FBXL13: variants seen among roughly 807,000 people sequenced by gnomAD.
The protein encoded by FBXL13 is F-box and leucine-rich repeat protein 13.
FBXL13 carries 67 observed loss-of-function variants against 83.6 expected under a neutral mutation model. That is an observed-to-expected ratio of 0.80 (90% CI 0.66 to 0.98). FBXL13 has a LOEUF of 0.98. Among genes scored for constraint, FBXL13 ranks in the 50% least tolerant of loss-of-function variants. FBXL13 has a pLI of 0.00. For synonymous variants in FBXL13, 272 were observed against 299.5 expected (o/e 0.91, Z 0.95); for missense variants, 822 against 866.5 (o/e 0.95, Z 0.64).
intron 11 of FBXL13, among the ~76,000 whole-genome samples, chr7:102,912,722 G>A (rs539644225): frequency 7.2e-6 from 1 of 139,064 alleles, no homozygotes; most frequent in East Asian, 2.1e-4. Context: ...GACTTTTCAG[G>A]AATCCCATGC....
At chr7:102,957,029 C>A (rs867348781) in intron 8 of FBXL13, among the ~76,000 whole-genome samples, 3 of 152,100 alleles carry the variant, frequency 2.0e-5, no homozygotes, top group East Asian at 3.9e-4. Context: ...AATTGGAAAA[C>A]ACTACTTTAA....
intron 1 of FBXL13, among the ~76,000 whole-genome samples, chr7:103,060,064 A>ATATATATATATAT (rs71110809): frequency 2.6e-4 from 21 of 81,912 alleles, no homozygotes; most frequent in East Asian, 4.6e-4. Flanking sequence ...ATATATATAT[A>ATATATATATATAT]CTTTTTTTTT....
rs181708017 is a variant in FBXL13 at position 102,934,489 on chromosome 7, T to C, written c.725-2556A>G. 51 of 1,614,012 alleles carry C rather than the reference T, an allele frequency of 3.2e-5. No individual in the cohort carries two copies. In the East Asian group the frequency reaches 1.1e-3, roughly 35 times the overall value. ...GGAATTTGGGGAACTACGCCAAGTG[T>C]GAAAGTCCACAAGAACAAAAAAATA... On this transcript the variant is annotated intron_variant, in intron 8 of 19. Coordinates refer to ENST00000313221, the Ensembl canonical transcript of FBXL13.
intron 1 of FBXL13, among the ~76,000 whole-genome samples, chr7:103,065,568 T>C (rs1798316413): frequency 6.6e-6 from 1 of 152,214 alleles, no homozygotes; most frequent in African/African-American, 2.4e-5. Flanking sequence ...AAAGAGATTC[T>C]AATAAAGAAT....
chr7:102,868,063 A>C (rs1808009234), intron 16 of FBXL13, among the ~76,000 whole-genome samples: 1 of 152,118 alleles, frequency 6.6e-6, no homozygotes, highest in African/African-American at 2.4e-5. Context: ...TATGGGATAC[A>C]GTGTGATGTT....
chr7:103,034,009 CAG>C (rs1355564879), intron 2 of FBXL13, among the ~76,000 whole-genome samples: 1,668 of 137,804 alleles, frequency 0.012, 29 homozygotes, highest in African/African-American at 0.039. Context: ...TAGCTAGATA[CAG>C]AGTGTCGATT....
rs751744146 is a variant in FBXL13, at chr7:102,834,086, AAAAGAAAGAAAG to A, written c.1720-1124_1720-1113del. Among the ~76,000 whole-genome samples, 593 of 93,614 alleles carry A rather than the reference AAAAGAAAGAAAG, an allele frequency of 6.3e-3. 6 individuals carry two copies. Among genetic ancestry groups the A allele is most frequent in the South Asian group, 0.011 (29 of 2,576 alleles). The allele number at this position is 93,614 out of a possible 152,430, so 61.4% of individuals were successfully genotyped here. A position where few individuals can be genotyped will look rare whatever the true frequency, so the allele number is the denominator to read the frequency against. Reference sequence around the variant, plus strand: ...GAAGGAAGGAAGGAAGGAAGGAAAGAAAAGAAAGAAAGAAAGAAAGAAAGAAAGAAAGAAAGA... The same window carrying A: ...GAAGGAAGGAAGGAAGGAAGGAAAGAAAAGAAAGAAAGAAAGAAAGAAAGA... On this transcript the variant is annotated intron_variant, in intron 17 of 19. Coordinates refer to ENST00000313221, the Ensembl canonical transcript of FBXL13.
Position 102,872,251 on chromosome 7 carries a change from T to C in FBXL13, c.1635+5216A>G, listed in dbSNP as rs975048528. Among the ~76,000 whole-genome samples, 9 of 152,232 alleles carry C rather than the reference T, an allele frequency of 5.9e-5. No homozygotes were observed. In the South Asian group the frequency reaches 1.7e-3, roughly 28 times the overall value. ...AATTCCCCACACCCACCCTTCCAAA[T>C]TGGGCTGCAGAAAATAGGTCTTACT... On this transcript the variant is annotated intron_variant, in intron 16 of 19. Transcript: ENST00000313221.
chr7:102,996,782 A>G (rs776590323), intron 6 of FBXL13, among the ~76,000 whole-genome samples: 30 of 152,194 alleles, frequency 2.0e-4, no homozygotes, highest in Admixed American at 6.5e-5. Context: ...TGGAGTAGAC[A>G]TATTGCAATC....
chr7:103,041,776 T>C (rs1038059478), intron 2 of FBXL13, among the ~76,000 whole-genome samples: 6 of 152,174 alleles, frequency 3.9e-5, no homozygotes, highest in African/African-American at 1.4e-4. Flanking sequence ...TCAACAGCCC[T>C]TCATGCTAAA....
Position 102,818,615 on chromosome 7 carries a change from G to A in FBXL13, c.2018+3425C>T, listed in dbSNP as rs149499204. Among the ~76,000 whole-genome samples, 702 of 152,216 alleles carry A rather than the reference G, an allele frequency of 4.6e-3. 3 individuals are homozygous for A. The highest frequency in any genetic ancestry group is 6.6e-3 in the Non-Finnish European group (447 of 68,010). Reference sequence around the variant, plus strand: ...TCTCCTAGAATGCCTGAGCAGTAGGGACTGTCCGAGTTTAAGCTTCTAGCA... The same window carrying A: ...TCTCCTAGAATGCCTGAGCAGTAGGAACTGTCCGAGTTTAAGCTTCTAGCA... On this transcript the variant is annotated intron_variant, in intron 19 of 19. Transcript: ENST00000313221.
intron 17 of FBXL13, among the ~76,000 whole-genome samples, chr7:102,837,732 A>G (rs1481836581): frequency 6.6e-6 from 1 of 152,168 alleles, no homozygotes; most frequent in East Asian, 1.9e-4. Flanking sequence ...TTATAGAGAC[A>G]GGGTCTCACT....
chr7:103,069,627 C>T (rs1381592475), intron 1 of FBXL13, among the ~76,000 whole-genome samples: 1 of 152,132 alleles, frequency 6.6e-6, no homozygotes, highest in Non-Finnish European at 1.5e-5. Context: ...CAAATAAATC[C>T]ACAGTCCAAG....
At chr7:103,015,430 C>CT (rs1316889767) in intron 6 of FBXL13, among the ~76,000 whole-genome samples, 1 of 152,128 alleles carries the variant, frequency 6.6e-6, no homozygotes, top group Non-Finnish European at 1.5e-5. Context: ...GATTCTATAC[C>CT]TAGAAAACCC....
chr7:102,817,000 A>G (rs944263679), intron 19 of FBXL13, among the ~76,000 whole-genome samples: 4 of 152,168 alleles, frequency 2.6e-5, no homozygotes, highest in African/African-American at 7.2e-5. Flanking sequence ...TCTTTATCCA[A>G]TCCACCACTG....
chr7:102,867,668 CATATATATATATATAT>C (rs200661242), intron 16 of FBXL13, among the ~76,000 whole-genome samples: 1 of 72,648 alleles, frequency 1.4e-5, no homozygotes, highest in Non-Finnish European at 2.2e-5. Flanking sequence ...TAGACTTAGA[CATATATATATATATAT>C]ATATATATAT....
chr7:102,834,066 AAGGAAGGAAGGAAGGAAAGAAAAG>A (rs1331152777), intron 17 of FBXL13, among the ~76,000 whole-genome samples: 4 of 115,734 alleles, frequency 3.5e-5, no homozygotes, highest in Non-Finnish European at 4.9e-5. Flanking sequence ...GGAAGGAAGG[AAGGAAGGAAGGAAGGAAAGAAAAG>A]AAAGAAAGAA....
intron 8 of FBXL13, among the ~76,000 whole-genome samples, chr7:102,935,708 T>C (rs957732133): frequency 2.0e-5 from 3 of 152,208 alleles, no homozygotes. Context: ...ACTGCTAATC[T>C]ACCCTACAAT....
chr7:103,011,916 C>G (rs1320583870), intron 6 of FBXL13, among the ~76,000 whole-genome samples: 1 of 152,092 alleles, frequency 6.6e-6, no homozygotes, highest in Non-Finnish European at 1.5e-5. Flanking sequence ...AAACCAAGGA[C>G]CTTGGAAAAC....
Sources: allele counts gnomAD v4.1 joint callset (sites outside exome capture counted in the v4.1 genomes callset), GRCh38; gene constraint gnomAD v4.1.1; transcripts MANE v1.5; gene names NCBI Gene and HGNC (gene_info 2026-07-23, HGNC 2026-07-21).